The following PRKAG2 variants were observed in gnomAD, a reference collection of about 807,000 sequenced individuals.
PRKAG2 encodes the protein 5'-AMP-activated protein kinase subunit gamma-2.
In PRKAG2, 26 loss-of-function variants were observed where a neutral mutation model predicts 69.6. That is an observed-to-expected ratio of 0.37 (90% CI 0.27 to 0.52). PRKAG2 has a LOEUF of 0.52. Among genes scored for constraint, PRKAG2 ranks in the 20% least tolerant of loss-of-function variants. PRKAG2 has a pLI of 0.90. For synonymous variants in PRKAG2, 293 were observed against 285.0 expected (o/e 1.03, Z -0.28); for missense variants, 557 against 740.0 (o/e 0.75, Z 2.87).
At position 151,814,326 on chromosome 7, in the gene PRKAG2, G is replaced by T; in HGVS notation, c.115-27785C>A. 1 of 916,414 alleles carries T rather than the reference G, an allele frequency of 1.1e-6. No individual in the cohort carries two copies. Among genetic ancestry groups the T allele is most frequent in the Non-Finnish European group, 1.4e-6 (1 of 721,036 alleles). The allele number at this position is 916,414 out of a possible 1,614,324, so 56.8% of individuals were successfully genotyped here. On this transcript the variant is annotated intron_variant, in intron 1 of 15. Coordinates refer to ENST00000287878, the MANE Select transcript of PRKAG2 (RefSeq NM_016203.4). The surrounding 1 kb of genome is among the most constrained non-coding windows in gnomAD (Gnocchi z 4.8). ...TTCAGCATCAGTCTTACACACCAAGGAGACAAAGCATCGTGAGGGGGAAAA... is the reference window on the plus strand; with the variant it reads ...TTCAGCATCAGTCTTACACACCAAGTAGACAAAGCATCGTGAGGGGGAAAA...
At position 151,849,070 on chromosome 7, in the gene PRKAG2, G is replaced by A. The variant is rs564538036; in HGVS notation, c.114+27437C>T. On this transcript the variant is annotated intron_variant, in intron 1 of 15. Coordinates refer to ENST00000287878, the MANE Select transcript of PRKAG2 (RefSeq NM_016203.4). Reference sequence around the variant, plus strand: ...CCTGCAGGGTGTTCTGAACGAAAATGGGTTCCCATTTAGGAAGTTCTTTGT... The same window carrying A: ...CCTGCAGGGTGTTCTGAACGAAAATAGGTTCCCATTTAGGAAGTTCTTTGT... 3.3e-5 allele frequency among the ~76,000 whole-genome samples: 5 copies of A among 152,264 alleles called. No homozygotes were observed. In the South Asian group the frequency reaches 8.3e-4, roughly 25 times the overall value.
At chr7:151,655,855 A>G (rs1210964484) in intron 4 of PRKAG2, among the ~76,000 whole-genome samples, 2 of 152,214 alleles carry the variant, frequency 1.3e-5, no homozygotes, top group Non-Finnish European at 2.9e-5. Context: ...GTAAGAGCTC[A>G]GTAAATTATT....
chr7:151,558,944 T>C, intron 15 of PRKAG2: 1 of 985,462 alleles, frequency 1.0e-6, no homozygotes, highest in Non-Finnish European at 1.2e-6. Flanking sequence ...CTTTTTGTAA[T>C]GCCCAAAGAG....
intron 4 of PRKAG2, among the ~76,000 whole-genome samples, chr7:151,652,185 A>C (rs1356131703): frequency 6.6e-6 from 1 of 152,088 alleles, no homozygotes; most frequent in Admixed American, 6.6e-5. Flanking sequence ...TATTTAAAAA[A>C]CCCCACCACT....
chr7:151,630,234 A>G (rs1824084546), intron 5 of PRKAG2, among the ~76,000 whole-genome samples: 2 of 152,230 alleles, frequency 1.3e-5, no homozygotes. Context: ...ATGAAAAGAA[A>G]AAAAAGAGTG....
intron 5 of PRKAG2, among the ~76,000 whole-genome samples, chr7:151,604,645 T>C (rs372030901): frequency 4.6e-4 from 69 of 151,588 alleles, no homozygotes; most frequent in African/African-American, 1.6e-3. Flanking sequence ...CACACACACA[T>C]ACACACACAC....
chr7:151,856,200 C>G (rs1205629678), intron 1 of PRKAG2, among the ~76,000 whole-genome samples: 1 of 152,258 alleles, frequency 6.6e-6, no homozygotes, highest in Non-Finnish European at 1.5e-5. Context: ...ATTGCTGTTT[C>G]ACTAACAAAG....
intron 3 of PRKAG2, among the ~76,000 whole-genome samples, chr7:151,759,408 T>C (rs954636292): frequency 7.2e-5 from 11 of 152,206 alleles, no homozygotes; most frequent in African/African-American, 2.7e-4. Flanking sequence ...GTGGTACCGA[T>C]TGTCCCTAGA....
At chr7:151,589,688 C>A (rs1812586522) in intron 6 of PRKAG2, among the ~76,000 whole-genome samples, 1 of 152,242 alleles carries the variant, frequency 6.6e-6, no homozygotes, top group Non-Finnish European at 1.5e-5. Context: ...GTAGTCCCAG[C>A]ACTTTGGGAG....
chr7:151,653,176 A>G (rs4726081), intron 4 of PRKAG2, among the ~76,000 whole-genome samples: 47,348 of 152,016 alleles, frequency 0.31, 7,450 homozygotes, highest in Middle Eastern at 0.39. Context: ...TCTATAAACC[A>G]AGAGGTCCTG....
intron 3 of PRKAG2, among the ~76,000 whole-genome samples, chr7:151,688,244 C>G (rs1260715066): frequency 2.0e-5 from 3 of 152,170 alleles, no homozygotes; most frequent in Non-Finnish European, 2.9e-5. Context: ...AGGAGCCCCC[C>G]CAGGTGGCCC....
intron 6 of PRKAG2, among the ~76,000 whole-genome samples, chr7:151,591,396 C>A (rs151042673): frequency 6.6e-6 from 1 of 152,224 alleles, no homozygotes; most frequent in Non-Finnish European, 1.5e-5. Context: ...GCGCTGATAG[C>A]GGTGTGGGCT....
At position 151,699,031 on chromosome 7, in the gene PRKAG2, G is replaced by T. The variant is rs12673708; in HGVS notation, c.467-23394C>A. 0.064 allele frequency among the ~76,000 whole-genome samples: 9,721 copies of T among 152,224 alleles called. 450 individuals are homozygous for T. Among genetic ancestry groups the T allele is most frequent in the East Asian group, 0.21 (1,089 of 5,164 alleles). On this transcript the variant is annotated intron_variant, in intron 3 of 15. Coordinates refer to ENST00000287878, the MANE Select transcript of PRKAG2 (RefSeq NM_016203.4). This position sits in a 1 kb window ranked among gnomAD's most constrained non-coding sequence, Gnocchi z 4.5. Reference sequence around the variant, plus strand: ...AATGACTGATAGGCTCAAACGGGCCGTGGGAGGGTTTCAGGACAGGGTACA... The same window carrying T: ...AATGACTGATAGGCTCAAACGGGCCTTGGGAGGGTTTCAGGACAGGGTACA...
At chr7:151,848,906 C>T (rs948793262) in intron 1 of PRKAG2, among the ~76,000 whole-genome samples, 5 of 152,204 alleles carry the variant, frequency 3.3e-5, no homozygotes, top group Non-Finnish European at 4.4e-5. Context: ...AATTGGACTT[C>T]CGTCAGCAGA....
chr7:151,710,474 G>T lies in PRKAG2; in HGVS notation c.467-34837C>A, dbSNP rs1795113669. ...GAAGAGAAGACCCCGTCACTCCTCTGCTCGAAGCTCTGCGGTGACCCCATC... is the reference window on the plus strand; with the variant it reads ...GAAGAGAAGACCCCGTCACTCCTCTTCTCGAAGCTCTGCGGTGACCCCATC... On this transcript the variant is annotated intron_variant, in intron 3 of 15. Coordinates refer to ENST00000287878, the MANE Select transcript of PRKAG2 (RefSeq NM_016203.4). 4.6e-5 allele frequency among the ~76,000 whole-genome samples: 7 copies of T among 152,302 alleles called. No homozygotes were observed. In the South Asian group the frequency reaches 1.4e-3, roughly 32 times the overall value.
chr7:151,694,110 G>A (rs1383197470), intron 3 of PRKAG2, among the ~76,000 whole-genome samples: 1 of 152,190 alleles, frequency 6.6e-6, no homozygotes, highest in Non-Finnish European at 1.5e-5. Context: ...CCGACCTCGA[G>A]TGATCTGCCC....
At position 151,814,560 on chromosome 7, in the gene PRKAG2, C is replaced by T; in HGVS notation, c.115-28019G>A. On this transcript the variant is annotated intron_variant, in intron 1 of 15. Coordinates refer to ENST00000287878, the MANE Select transcript of PRKAG2 (RefSeq NM_016203.4). The surrounding 1 kb of genome is among the most constrained non-coding windows in gnomAD (Gnocchi z 4.8). ...AATCCTGCTGCCTCACTCGAAAGGT[C>T]CATCAGAGAAGGGGTTTCCCAGCCC... The T allele has an allele frequency of 1.6e-6, 2 of 1,231,678 alleles. No homozygotes were observed. Among genetic ancestry groups the T allele is most frequent in the South Asian group, 8.2e-5 (2 of 24,244 alleles). 76.3% of individuals were successfully genotyped at this position (1,231,678 alleles called of 1,614,324 possible).
chr7:151,721,047 G>C (rs894538231), intron 3 of PRKAG2, among the ~76,000 whole-genome samples: 1 of 146,720 alleles, frequency 6.8e-6, no homozygotes. Flanking sequence ...GACAGACCAG[G>C]GTGGAGGGGC....
chr7:151,676,710 C>T lies in PRKAG2; in HGVS notation c.467-1073G>A, dbSNP rs1313405544. 4.6e-5 allele frequency among the ~76,000 whole-genome samples: 7 copies of T among 152,240 alleles called. No homozygotes were observed. In the East Asian group the frequency reaches 1.4e-3, roughly 29 times the overall value. Reference sequence around the variant, plus strand: ...AGGTTAAATAAATCATGGCACAGTGCACAGGTAGGATGTGACCTGTGAATG... The same window carrying T: ...AGGTTAAATAAATCATGGCACAGTGTACAGGTAGGATGTGACCTGTGAATG... On this transcript the variant is annotated intron_variant, in intron 3 of 15. Transcript: ENST00000287878.
Sources: gnomAD v4.1 joint callset for allele counts (sites outside exome capture counted in the v4.1 genomes callset) on GRCh38, gnomAD v4.1.1 for gene constraint, Gnocchi (gnomAD v3.1) non-coding constraint, MANE v1.5 for transcripts, NCBI Gene and HGNC (gene_info 2026-07-23, HGNC 2026-07-21) for gene names.